Variants in RNF180 observed in about 807,000 individuals in gnomAD.
The protein encoded by RNF180 is E3 ubiquitin-protein ligase RNF180.
In RNF180, 38 loss-of-function variants were observed where a neutral mutation model predicts 59.2. The ratio of observed to expected loss-of-function variants is 0.64; its 90% confidence interval spans 0.50 to 0.84. The LOEUF (loss-of-function observed/expected upper bound fraction) is 0.84. RNF180 is among the 40% of genes least tolerant of loss of function. RNF180 has a pLI of 0.00. For missense variants in RNF180, 705 were observed against 700.9 expected (o/e 1.01, Z -0.07); for synonymous variants, 262 against 240.3 (o/e 1.09, Z -0.84).
At chr5:64,236,360 C>T (rs1326847385) in intron 5 of RNF180, among the ~76,000 whole-genome samples, 1 of 152,106 alleles carries the variant, frequency 6.6e-6, no homozygotes, top group African/African-American at 2.4e-5. Flanking sequence ...TGGTACCTGG[C>T]AGAAGAAATT....
chr5:64,257,718 A>T (rs1261102156), intron 5 of RNF180, among the ~76,000 whole-genome samples: 1 of 152,192 alleles, frequency 6.6e-6, no homozygotes, highest in Admixed American at 6.5e-5. Context: ...TGCTGGCCTC[A>T]TAAAATGAGT....
intron 5 of RNF180, among the ~76,000 whole-genome samples, chr5:64,239,853 A>C (rs1037709807): frequency 2.0e-5 from 3 of 152,188 alleles, no homozygotes; most frequent in African/African-American, 7.2e-5. Flanking sequence ...AAATGTCATA[A>C]AAGTTCTACT....
rs544571726 is a variant in RNF180, at chr5:64,173,351, A to T, written c.-1+7398A>T. Among the ~76,000 whole-genome samples, 15 of 152,292 alleles carry T rather than the reference A, an allele frequency of 9.8e-5. 2 individuals are homozygous for T. The highest frequency in any genetic ancestry group is 3.6e-4 in the African/African-American group (15 of 41,564). The stretch of plus-strand genomic sequence containing the variant: ...CACTGTACTTTTATTTATAATTGAC[A>T]CATTTTTGACATATATTGTACATAT... On this transcript the variant is annotated intron_variant, in intron 1 of 7. Transcript: ENST00000389100.
intron 5 of RNF180, among the ~76,000 whole-genome samples, chr5:64,262,572 A>G (rs1393736434): frequency 1.3e-5 from 2 of 151,684 alleles, no homozygotes; most frequent in African/African-American, 4.9e-5. Context: ...CTGTTAAATA[A>G]TGAAAAAATC....
chr5:64,332,655 G>T (rs946614952), intron 7 of RNF180, among the ~76,000 whole-genome samples: 1 of 152,246 alleles, frequency 6.6e-6, no homozygotes, highest in Non-Finnish European at 1.5e-5. Flanking sequence ...ACCTTTTTCT[G>T]CTTTGGGAAT....
At chr5:64,332,777 G>T (rs1013393179) in intron 7 of RNF180, among the ~76,000 whole-genome samples, 1 of 152,168 alleles carries the variant, frequency 6.6e-6, no homozygotes, top group African/African-American at 2.4e-5. Flanking sequence ...TAACAATTAT[G>T]ACATTATGGG....
intron 5 of RNF180, among the ~76,000 whole-genome samples, chr5:64,273,010 A>G (rs1267769577): frequency 3.3e-5 from 5 of 151,936 alleles, no homozygotes; most frequent in Non-Finnish European, 4.4e-5. Context: ...GTATACAAAT[A>G]TTGACAGAAG....
intron 5 of RNF180, among the ~76,000 whole-genome samples, chr5:64,236,723 C>G (rs1256605278): frequency 6.6e-6 from 1 of 152,148 alleles, no homozygotes; most frequent in Non-Finnish European, 1.5e-5. Flanking sequence ...TTCCAGGCCC[C>G]CTGCTGCTCT....
intron 7 of RNF180, among the ~76,000 whole-genome samples, chr5:64,339,844 T>G (rs1314123979): frequency 6.6e-6 from 1 of 152,150 alleles, no homozygotes; most frequent in Non-Finnish European, 1.5e-5. Context: ...AATCAATAAG[T>G]AAGCAGACGT....
At chr5:64,209,973 G>T (rs1752221378) in intron 2 of RNF180, among the ~76,000 whole-genome samples, 1 of 152,018 alleles carries the variant, frequency 6.6e-6, no homozygotes, top group African/African-American at 2.4e-5. Flanking sequence ...GGTTTCCCAA[G>T]TTTCTTTAAA....
intron 5 of RNF180, among the ~76,000 whole-genome samples, chr5:64,250,527 C>G (rs1743500884): frequency 6.6e-6 from 1 of 151,646 alleles, no homozygotes; most frequent in African/African-American, 2.4e-5. Context: ...GCTGGGCTAA[C>G]AGCAGAAAAT....
At position 64,248,490 on chromosome 5, in the gene RNF180, A is replaced by T. The variant is rs552766111; in HGVS notation, c.1227+31094A>T. Among the ~76,000 whole-genome samples, 8 of 152,368 alleles carry T rather than the reference A, an allele frequency of 5.3e-5. No individual in the cohort carries two copies. In the South Asian group the frequency reaches 1.7e-3, roughly 32 times the overall value. On this transcript the variant is annotated intron_variant, in intron 5 of 7. Coordinates refer to ENST00000389100, the MANE Select transcript of RNF180 (RefSeq NM_001113561.2). Reference sequence around the variant, plus strand: ...AAAGAAGACAACAAATGTGCAGCCAACAAATATATGAAAAAATGCTCATCA... The same window carrying T: ...AAAGAAGACAACAAATGTGCAGCCATCAAATATATGAAAAAATGCTCATCA...
At chr5:64,310,890 A>T (rs1743732601) in intron 5 of RNF180, among the ~76,000 whole-genome samples, 1 of 151,940 alleles carries the variant, frequency 6.6e-6, no homozygotes, top group Non-Finnish European at 1.5e-5. Context: ...CACATCAGTA[A>T]TTCATTTCTT....
intron 1 of RNF180, among the ~76,000 whole-genome samples, chr5:64,193,214 A>G (rs959713463): frequency 4.6e-5 from 7 of 152,040 alleles, no homozygotes; most frequent in African/African-American, 1.2e-4. Context: ...GATGTGCAAT[A>G]TATTACCTAT....
chr5:64,365,455 A>C (rs534720942), intron 7 of RNF180, among the ~76,000 whole-genome samples: 2 of 151,800 alleles, frequency 1.3e-5, no homozygotes, highest in Non-Finnish European at 3.0e-5. Context: ...CCATGTGGCA[A>C]TGACAAGAAT....
chr5:64,316,485 ATATT>A (rs1405532112), intron 5 of RNF180, among the ~76,000 whole-genome samples: 1 of 152,180 alleles, frequency 6.6e-6, no homozygotes, highest in Non-Finnish European at 1.5e-5. Flanking sequence ...GTCTGAGTGA[ATATT>A]TATTCATCCA....
chr5:64,166,163 C>G (rs920140421), intron 1 of RNF180: 1 of 152,310 alleles, frequency 6.6e-6, no homozygotes, highest in Non-Finnish European at 1.5e-5. Context: ...GCTTAACTTT[C>G]GCACCTGAGG....
At chr5:64,203,931 G>C (rs947797137) in intron 2 of RNF180, among the ~76,000 whole-genome samples, 3 of 152,056 alleles carry the variant, frequency 2.0e-5, no homozygotes, top group Non-Finnish European at 4.4e-5. Flanking sequence ...AACTGCAAAA[G>C]AAATTATTAG....
intron 5 of RNF180, among the ~76,000 whole-genome samples, chr5:64,259,258 A>T (rs2112310196): frequency 6.6e-6 from 1 of 152,288 alleles, no homozygotes; most frequent in East Asian, 1.9e-4. Context: ...GAAGAGGCTG[A>T]GAATCCCGAC....
Sources: gnomAD v4.1 joint callset for allele counts (sites outside exome capture counted in the v4.1 genomes callset) on GRCh38, gnomAD v4.1.1 for gene constraint, MANE v1.5 for transcripts, NCBI Gene and HGNC (gene_info 2026-07-23, HGNC 2026-07-21) for gene names.